Variants in STEAP2 observed in about 807,000 individuals in gnomAD.
The protein encoded by STEAP2 is STEAP2 metalloreductase.
STEAP2 carries 30 observed loss-of-function variants against 46.4 expected under a neutral mutation model. That is an observed-to-expected ratio of 0.65 (90% CI 0.48 to 0.88). STEAP2 has a LOEUF of 0.88. Ranked by LOEUF, STEAP2 falls within the 40% of genes least tolerant of loss-of-function variation. The pLI, the probability that STEAP2 is intolerant of heterozygous loss-of-function variation, is 0.00. For synonymous variants in STEAP2, 180 were observed against 200.5 expected (o/e 0.90, Z 0.86); for missense variants, 513 against 579.3 (o/e 0.89, Z 1.18).
intron 1 of STEAP2, among the ~76,000 whole-genome samples, chr7:90,212,677 T>C (rs1161810864): frequency 6.6e-6 from 1 of 152,174 alleles, no homozygotes; most frequent in Non-Finnish European, 1.5e-5. Flanking sequence ...AAGATTTCCA[T>C]TTATTATCTC....
Position 90,233,806 on chromosome 7 carries a change from A to G in STEAP2, c.*1182A>G. 2 of 985,422 alleles carry G rather than the reference A, an allele frequency of 2.0e-6. No individual in the cohort carries two copies. Among genetic ancestry groups the G allele is most frequent in the Non-Finnish European group, 2.4e-6 (2 of 829,928 alleles). The allele number at this position is 985,422 out of a possible 1,614,324, so 61.0% of individuals were successfully genotyped here. Reference sequence around the variant, plus strand: ...CCCTATGCATTATGTTCACAATGCCAATCTAGATGCTTCCTCTTTTGTATA... The same window carrying G: ...CCCTATGCATTATGTTCACAATGCCGATCTAGATGCTTCCTCTTTTGTATA... On this transcript the variant is annotated 3_prime_UTR_variant, in exon 6 of 6. Transcript: ENST00000394621.
chr7:90,236,375 A>C lies in STEAP2; in HGVS notation c.*3751A>C, dbSNP rs1442598658. The C allele has an allele frequency of 7.1e-6, 7 of 984,060 alleles. No individual in the cohort carries two copies. The Admixed American group carries it at 3.7e-4, about 52-fold the overall frequency. The allele number at this position is 984,060 out of a possible 1,614,324, so 61.0% of individuals were successfully genotyped here. On this transcript the variant is annotated 3_prime_UTR_variant, in exon 6 of 6. Coordinates refer to ENST00000394621, the MANE Select transcript of STEAP2 (RefSeq NM_001244944.2). Reference sequence around the variant, plus strand: ...AAACAGCCTAAAATGTGTTGAAATTATTTTGTAAATCCATGACTTAAAACA... The same window carrying C: ...AAACAGCCTAAAATGTGTTGAAATTCTTTTGTAAATCCATGACTTAAAACA...
chr7:90,227,613 C>T (rs1002270766), intron 4 of STEAP2, 115 bp downstream of exon 4: 31 of 1,005,292 alleles, frequency 3.1e-5, no homozygotes, highest in Non-Finnish European at 3.7e-5. Context: ...TGGTATACTG[C>T]GGGAGGGGAA....
chr7:90,225,779 C>T (rs952902520), intron 3 of STEAP2, among the ~76,000 whole-genome samples: 2 of 152,058 alleles, frequency 1.3e-5, no homozygotes, highest in African/African-American at 2.4e-5. Context: ...GGGAAAATAA[C>T]GTGAAAGTCA....
At chr7:90,224,972 C>G in intron 2 of STEAP2, 78 bp from the exon 3 acceptor site, 1 of 1,242,026 alleles carries the variant, frequency 8.1e-7, no homozygotes, top group Non-Finnish European at 1.1e-6. Flanking sequence ...TCTAGAAAGA[C>G]AGGACATTAC....
Position 90,237,080 on chromosome 7 carries a change from T to C in STEAP2, c.*4456T>C. ...GGAAGGCAGCATGTGTCCTTTTTCA[T>C]CCCTTCATCTTGCTGCTGGGATTGT... On this transcript the variant is annotated 3_prime_UTR_variant, in exon 6 of 6. Transcript: ENST00000394621. 1 of 933,296 alleles carries C rather than the reference T, an allele frequency of 1.1e-6. No individual in the cohort carries two copies. Among genetic ancestry groups the C allele is most frequent in the Non-Finnish European group, 1.6e-6 (1 of 623,598 alleles). The allele number at this position is 933,296 out of a possible 1,614,324, so 57.8% of individuals were successfully genotyped here.
In STEAP2 at chr7:90,225,423, T is replaced by C. The variant is rs1392016233; in HGVS notation, c.341T>C (p.Ile114Thr). Residue 114 changes from isoleucine to threonine, a missense_variant, in exon 3 of 6, where the codon ATT (isoleucine) becomes ACT (threonine). Coordinates refer to ENST00000394621, the MANE Select transcript of STEAP2 (RefSeq NM_001244944.2). ...LRHLLVGKIL[I>T]DVSNNMRINQ... ...CATCTGCTTGTGGGTAAAATCCTGA[T>C]TGATGTGAGCAATAACATGAGGATA... 6.2e-7 allele frequency: 1 copy of C among 1,613,830 alleles called. No individual in the cohort carries two copies.
In STEAP2 at chr7:90,232,490, A is replaced by G. The variant is rs2116367611; in HGVS notation, c.1339A>G (p.Ile447Val). The G allele has an allele frequency of 1.2e-6, 2 of 1,613,754 alleles. No homozygotes were observed. Among genetic ancestry groups the G allele is most frequent in the East Asian group, 2.2e-5 (1 of 44,858 alleles). ...GCCCTCAATTGTAATTCTGGGTAAG[A>G]TTATTTTATTCCTTCCATGTATAAG... ...VLPSIVILGK[I>V]ILFLPCISRK... is the part of the protein sequence containing the mutation. Residue 447 changes from isoleucine to valine, a missense_variant, in exon 6 of 6, where the codon ATT becomes GTT. Ile to Val is a conservative substitution (Grantham distance 29). Transcript: ENST00000394621.
downstream of STEAP2, chr7:90,238,243 T>G (rs1456051501): frequency 1.5e-6 from 1 of 649,052 alleles, no homozygotes; most frequent in African/African-American, 1.8e-5. Context: ...ACCAGATCTG[T>G]CTGTGGAGGT....
In STEAP2 at chr7:90,235,054, T is replaced by C; in HGVS notation, c.*2430T>C. 1.0e-6 allele frequency: 1 copy of C among 953,850 alleles called. No homozygotes were observed. 59.1% of individuals were successfully genotyped at this position (953,850 alleles called of 1,614,324 possible). ...TTCTTATTCCTTAAATTCCACTCTT[T>C]TAACACTATGCTTAACCACTTAATG... is the stretch of plus-strand genomic sequence containing the variant. On this transcript the variant is annotated 3_prime_UTR_variant, in exon 6 of 6. Transcript: ENST00000394621.
At position 90,234,136 on chromosome 7, in the gene STEAP2, A is replaced by C; in HGVS notation, c.*1512A>C. 2 of 985,432 alleles carry C rather than the reference A, an allele frequency of 2.0e-6. No homozygotes were observed. Among genetic ancestry groups the C allele is most frequent in the Non-Finnish European group, 2.4e-6 (2 of 829,916 alleles). 61.0% of individuals were successfully genotyped at this position (985,432 alleles called of 1,614,324 possible). ...AACCATTCATTAGGGAGTACTTTAC[A>C]AGCATGAAGGATATTAGGGTAAGTG... On this transcript the variant is annotated 3_prime_UTR_variant, in exon 6 of 6. Coordinates refer to ENST00000394621, the MANE Select transcript of STEAP2 (RefSeq NM_001244944.2).
rs1795839289 is a variant in STEAP2 at position 90,233,442 on chromosome 7, A to G, written c.*818A>G. ...ACTAGTTCCTACTTAGAACAAAAGT[A>G]TCAAGTTTGCACACAAGTAATCTGC... On this transcript the variant is annotated 3_prime_UTR_variant, in exon 6 of 6. Transcript: ENST00000394621. 1.0e-6 allele frequency: 1 copy of G among 985,444 alleles called. No homozygotes were observed. The allele number at this position is 985,444 out of a possible 1,614,324, so 61.0% of individuals were successfully genotyped here.
chr7:90,224,643 C>T lies in STEAP2; in HGVS notation c.-33-407C>T, dbSNP rs149916697. Among the ~76,000 whole-genome samples, 900 of 152,314 alleles carry T rather than the reference C, an allele frequency of 5.9e-3. 6 individuals carry two copies. The highest frequency in any genetic ancestry group is 0.01 in the Non-Finnish European group (691 of 68,034). ...TTGGGGGCTTTCCTGTCCTGCATCA[C>T]TAGTGCCTTGCTGCTCAAAGAGGGG... On this transcript the variant is annotated intron_variant, in intron 2 of 5. Transcript: ENST00000394621.
intron 1 of STEAP2, chr7:90,213,864 C>T (rs1794913301): frequency 6.6e-6 from 1 of 152,172 alleles, no homozygotes; most frequent in East Asian, 1.9e-4. Context: ...TCCCAAGGTA[C>T]ATAAAGTGGT....
At chr7:90,221,162 A>G (rs1178323981) in intron 2 of STEAP2, among the ~76,000 whole-genome samples, 2 of 152,076 alleles carry the variant, frequency 1.3e-5, no homozygotes, top group African/African-American at 4.8e-5. Flanking sequence ...TTTAAATTCA[A>G]TGTTTCTTTG....
rs1448001557 is a variant in STEAP2 at position 90,233,610 on chromosome 7, C to T, written c.*986C>T. 4 of 889,704 alleles carry T rather than the reference C, an allele frequency of 4.5e-6. No homozygotes were observed. Among genetic ancestry groups the T allele is most frequent in the Non-Finnish European group, 5.4e-6 (4 of 742,982 alleles). 55.1% of individuals were successfully genotyped at this position (889,704 alleles called of 1,614,324 possible). A position where few individuals can be genotyped will look rare whatever the true frequency, so the allele number is the denominator to read the frequency against. On this transcript the variant is annotated 3_prime_UTR_variant, in exon 6 of 6. Transcript: ENST00000394621. ...TCCCATTTAATACTTAGAACAACCC[C>T]GTGAGATAAGTAGTTATTATCCTCA...
chr7:90,227,842 G>C (rs545000676), intron 4 of STEAP2, among the ~76,000 whole-genome samples: 7 of 152,208 alleles, frequency 4.6e-5, no homozygotes, highest in Non-Finnish European at 1.0e-4. Context: ...TCCACAAAAT[G>C]ATGAGGCAAT....
At chr7:90,229,145 G>T (rs1194825859) in intron 4 of STEAP2, among the ~76,000 whole-genome samples, 1 of 152,034 alleles carries the variant, frequency 6.6e-6, no homozygotes, top group Non-Finnish European at 1.5e-5. Context: ...TCTAAAGGTA[G>T]TCCCTACACA....
Position 90,235,361 on chromosome 7 carries a change from C to A in STEAP2, c.*2737C>A, listed in dbSNP as rs1241255977. ...ATGTTTAAATGCTTTTCTAAAAATGCAAAACTATGATGTTTAGTTGCTTTA... is the reference window on the plus strand; with the variant it reads ...ATGTTTAAATGCTTTTCTAAAAATGAAAAACTATGATGTTTAGTTGCTTTA... On this transcript the variant is annotated 3_prime_UTR_variant, in exon 6 of 6. Coordinates refer to ENST00000394621, the MANE Select transcript of STEAP2 (RefSeq NM_001244944.2). 4 of 958,056 alleles carry A rather than the reference C, an allele frequency of 4.2e-6. No homozygotes were observed. In the African/African-American group the frequency reaches 5.3e-5, roughly 13 times the overall value. 59.3% of individuals were successfully genotyped at this position (958,056 alleles called of 1,614,324 possible).
Sources: allele counts gnomAD v4.1 joint callset (sites outside exome capture counted in the v4.1 genomes callset), GRCh38; gene constraint gnomAD v4.1.1; transcripts MANE v1.5; gene names NCBI Gene and HGNC (gene_info 2026-07-23, HGNC 2026-07-21).